Variants in DPF1 observed in about 807,000 individuals in gnomAD.
DPF1 encodes double PHD fingers 1.
Under a neutral mutation model 58.7 loss-of-function variants are expected in DPF1, and 14 were observed. The observed-to-expected ratio is 0.24, with a 90% CI of 0.16 to 0.37. DPF1 has a LOEUF of 0.37. Ranked by LOEUF, DPF1 falls within the 10% of genes least tolerant of loss-of-function variation. The pLI is 1.00. For missense variants in DPF1, 345 were observed against 529.9 expected, an observed-to-expected ratio of 0.65 and a Z score of 3.43; for synonymous variants, 216 against 216.0, an observed-to-expected ratio of 1.00 and a Z score of 0.00.
Position 38,222,600 on chromosome 19 carries a change from G to A in DPF1, c.138C>T (p.Gly46=), listed in dbSNP as rs1967580452. ...AGATGTAGCAGTTGTTCTGGGCCAC[G>A]CCGGTCTGCGAGTCGAGGAAGGGCA... ...LRLPFLDSQT[G]VAQNNCYIWM... Residue 46 remains glycine, a synonymous_variant, in exon 2 of 12, where the codon GGC becomes GGT. Transcript: ENST00000355526. The surrounding 1 kb of genome is among the most constrained non-coding windows in gnomAD (Gnocchi z 4.9). 3.1e-6 allele frequency: 5 copies of A among 1,612,038 alleles called. No homozygotes were observed. The highest frequency in any genetic ancestry group is 4.2e-6 in the Non-Finnish European group (5 of 1,179,240).
At position 38,213,646 on chromosome 19, in the gene DPF1, C is replaced by A; in HGVS notation, c.1009G>T (p.Asp337Tyr). 1 of 1,612,176 alleles carries A rather than the reference C, an allele frequency of 6.2e-7. No individual in the cohort carries two copies. The highest frequency in any genetic ancestry group is 8.5e-7 in the Non-Finnish European group (1 of 1,178,738). ...CGCGGGGGGCGGGCGGCACTCACGT[C>A]GTTCTCGGAGGTTCCGCACAGGCTG... is the stretch of plus-strand genomic sequence containing the variant. ...SCSLCGTSEN[D>Y]DQLLFCDDCD... The change falls in exon 10 of 12, where the codon GAC becomes TAC. Residue 337 changes from aspartate (D) to tyrosine (Y), a missense_variant and splice_region_variant. Asp to Tyr is a radical substitution (Grantham distance 160). Transcript: ENST00000355526.
At chr19:38,215,377 T>C (rs181029973) in intron 9 of DPF1, among the ~76,000 whole-genome samples, 10 of 151,986 alleles carry the variant, frequency 6.6e-5, no homozygotes, top group East Asian at 2.0e-4. Flanking sequence ...CCTGTAATCC[T>C]AGCTACTCGG....
rs775859741 is a variant in DPF1, at chr19:38,212,148, G to A, written c.1094-15C>T. Reference sequence around the variant, plus strand: ...GCTCCAGCTCCCTGCGGGGGCAGCCGAAGCTGAAGTCAGGCCCGGGTCCGG... The same window carrying A: ...GCTCCAGCTCCCTGCGGGGGCAGCCAAAGCTGAAGTCAGGCCCGGGTCCGG... On this transcript the variant is annotated splice_polypyrimidine_tract_variant and intron_variant, in intron 11 of 11. Transcript: ENST00000355526. The A allele has an allele frequency of 6.8e-6, 11 of 1,606,752 alleles. No individual in the cohort carries two copies. The South Asian group carries it at 8.9e-5, about 13-fold the overall frequency.
chr19:38,217,399 C>CCCGGG, intron 7 of DPF1, 61 bp downstream of exon 7: 9 of 1,233,462 alleles, frequency 7.3e-6, no homozygotes, highest in Non-Finnish European at 9.7e-6. Context: ...CCACCCCCAG[C>CCCGGG]TGGGCTCCTC....
At chr19:38,214,431 G>A (rs1568624272) in intron 9 of DPF1, among the ~76,000 whole-genome samples, 1 of 152,248 alleles carries the variant, frequency 6.6e-6, no homozygotes, top group East Asian at 1.9e-4. Flanking sequence ...GAGTTGCCAT[G>A]ACAACCATAT....
At chr19:38,224,582 G>C (rs1262481169), upstream of DPF1, among the ~76,000 whole-genome samples, 4 of 152,076 alleles carry the variant, frequency 2.6e-5, no homozygotes, top group African/African-American at 4.8e-5. This position sits in a 1 kb window ranked among gnomAD's most constrained non-coding sequence, Gnocchi z 4.5. Context: ...AATACTAAGA[G>C]ACGCAGAGAC....
intron 3 of DPF1, 75 bp from the exon 4 acceptor site, chr19:38,219,133 G>T: frequency 6.3e-7 from 1 of 1,577,732 alleles, no homozygotes; most frequent in South Asian, 1.1e-5. Context: ...CAGGTGGGGG[G>T]ACCATGCTCT....
chr19:38,215,415 C>T (rs1469820277), intron 9 of DPF1, among the ~76,000 whole-genome samples: 3 of 152,046 alleles, frequency 2.0e-5, no homozygotes, highest in African/African-American at 4.8e-5. Context: ...ATCACTTGAA[C>T]CCAGGAGGCG....
Position 38,224,186 on chromosome 19 carries a change from G to A in DPF1, c.-44C>T. 1.4e-6 allele frequency: 2 copies of A among 1,419,152 alleles called. No individual in the cohort carries two copies. Among genetic ancestry groups the A allele is most frequent in the Non-Finnish European group, 1.8e-6 (2 of 1,087,546 alleles). The allele number at this position is 1,419,152 out of a possible 1,614,324, so 87.9% of individuals were successfully genotyped here. On this transcript the variant is annotated 5_prime_UTR_variant, in exon 1 of 12. Transcript: ENST00000355526. This position sits in a 1 kb window ranked among gnomAD's most constrained non-coding sequence, Gnocchi z 4.5. ...CCCCCAGCAGGTCCCCGCCGGGTCG[G>A]TCCTCCCAGCGGTCGGGCGGGCGCT...
Position 38,229,605 on chromosome 19 carries a change from G to C in DPF1, c.-178C>G, listed in dbSNP as rs1363772026. 19 of 1,096,510 alleles carry C rather than the reference G, an allele frequency of 1.7e-5. No homozygotes were observed. The highest frequency in any genetic ancestry group is 2.0e-5 in the Non-Finnish European group (18 of 901,498). 67.9% of individuals were successfully genotyped at this position (1,096,510 alleles called of 1,614,324 possible). A position where few individuals can be genotyped will look rare whatever the true frequency, so the allele number is the denominator to read the frequency against. ...GCGGTGGCCATGGCCCGCTCGGCTG[G>C]GCCGCCTCCGGCCCGGGGCGCCGCT... On this transcript the variant is annotated 5_prime_UTR_variant, in exon 1 of 12. Transcript: ENST00000412732. The surrounding 1 kb of genome is among the most constrained non-coding windows in gnomAD (Gnocchi z 5.3).
rs756671477 is a variant in DPF1, at chr19:38,212,353, C to A, written c.1020G>T (p.Leu340=). The A allele has an allele frequency of 6.8e-7, 1 of 1,471,310 alleles. No individual in the cohort carries two copies. Among genetic ancestry groups the A allele is most frequent in the Non-Finnish European group, 9.0e-7 (1 of 1,112,688 alleles). The allele number at this position is 1,471,310 out of a possible 1,614,324, so 91.1% of individuals were successfully genotyped here. A position where few individuals can be genotyped will look rare whatever the true frequency, so the allele number is the denominator to read the frequency against. The change falls in exon 11 of 12, where the codon CTG becomes CTT. Residue 340 remains leucine, a synonymous_variant. Coordinates refer to ENST00000355526, the MANE Select transcript of DPF1 (RefSeq NM_001135155.3). ...LCGTSENDDQ[L]LFCDDCDRGY... ...CCCGATCGCAGTCATCACAAAACAG[C>A]AGCTGGTCCTGGGGGGTGAGACCCG...
chr19:38,229,513 T>A lies in DPF1; in HGVS notation c.-132+46A>T. Reference sequence around the variant, plus strand: ...CCAGGGCGGGCGGGGGAAGGGCTCCTGGTGGGGGGGTCTGGACAGGGGGCG... The same window carrying A: ...CCAGGGCGGGCGGGGGAAGGGCTCCAGGTGGGGGGGTCTGGACAGGGGGCG... On this transcript the variant is annotated intron_variant, in intron 1 of 11. Coordinates refer to the DPF1 transcript ENST00000412732. The surrounding 1 kb of genome is among the most constrained non-coding windows in gnomAD (Gnocchi z 5.3). The A allele has an allele frequency of 1.2e-6, 1 of 820,070 alleles. No individual in the cohort carries two copies. Among genetic ancestry groups the A allele is most frequent in the Non-Finnish European group, 1.4e-6 (1 of 691,710 alleles). 50.8% of individuals were successfully genotyped at this position (820,070 alleles called of 1,614,324 possible).
Position 38,224,148 on chromosome 19 carries a change from T to C in DPF1, c.-6A>G. On this transcript the variant is annotated 5_prime_UTR_variant, in exon 1 of 12. Coordinates refer to ENST00000355526, the MANE Select transcript of DPF1 (RefSeq NM_001135155.3). The surrounding 1 kb of genome is among the most constrained non-coding windows in gnomAD (Gnocchi z 4.5). ...CCAGGGATGACAGTGGCCATCTTGCTCCCCGGGTCCTGCCCCCAGCAGGTC... is the reference window on the plus strand; with the variant it reads ...CCAGGGATGACAGTGGCCATCTTGCCCCCCGGGTCCTGCCCCCAGCAGGTC... 1 of 1,473,952 alleles carries C rather than the reference T, an allele frequency of 6.8e-7. No individual in the cohort carries two copies. The highest frequency in any genetic ancestry group is 1.4e-5 in the South Asian group (1 of 69,198). The allele number at this position is 1,473,952 out of a possible 1,614,324, so 91.3% of individuals were successfully genotyped here. A position where few individuals can be genotyped will look rare whatever the true frequency, so the allele number is the denominator to read the frequency against.
rs1398129068 is a variant in DPF1 at position 38,212,140 on chromosome 19, G to A, written c.1094-7C>T. Reference sequence around the variant, plus strand: ...AGGTGACAGCTCCAGCTCCCTGCGGGGGCAGCCGAAGCTGAAGTCAGGCCC... The same window carrying A: ...AGGTGACAGCTCCAGCTCCCTGCGGAGGCAGCCGAAGCTGAAGTCAGGCCC... On this transcript the variant is annotated splice_region_variant and splice_polypyrimidine_tract_variant and intron_variant, in intron 11 of 11. Coordinates refer to ENST00000355526, the MANE Select transcript of DPF1 (RefSeq NM_001135155.3). 5.0e-6 allele frequency: 8 copies of A among 1,607,788 alleles called. No homozygotes were observed. Among genetic ancestry groups the A allele is most frequent in the South Asian group, 1.1e-5 (1 of 89,858 alleles).
upstream of DPF1, among the ~76,000 whole-genome samples, chr19:38,228,992 CG>C (rs1568326708): frequency 6.6e-6 from 1 of 151,854 alleles, no homozygotes; most frequent in East Asian, 2.0e-4. Flanking sequence ...ACGGCGGGTT[CG>C]GGGCTTCCAG....
chr19:38,224,156 T>C lies in DPF1; in HGVS notation c.-14A>G. ...GACAGTGGCCATCTTGCTCCCCGGG[T>C]CCTGCCCCCAGCAGGTCCCCGCCGG... On this transcript the variant is annotated 5_prime_UTR_variant, in exon 1 of 12. Coordinates refer to ENST00000355526, the MANE Select transcript of DPF1 (RefSeq NM_001135155.3). This position sits in a 1 kb window ranked among gnomAD's most constrained non-coding sequence, Gnocchi z 4.5. 1 of 1,459,244 alleles carries C rather than the reference T, an allele frequency of 6.9e-7. No homozygotes were observed. Among genetic ancestry groups the C allele is most frequent in the Non-Finnish European group, 9.0e-7 (1 of 1,110,564 alleles). The allele number at this position is 1,459,244 out of a possible 1,614,324, so 90.4% of individuals were successfully genotyped here.
At chr19:38,229,120 AAG>A (rs1252680001), upstream of DPF1, among the ~76,000 whole-genome samples, 8 of 151,850 alleles carry the variant, frequency 5.3e-5, no homozygotes, top group East Asian at 1.4e-3. This position sits in a 1 kb window ranked among gnomAD's most constrained non-coding sequence, Gnocchi z 5.3. Context: ...AAGAAGGGGA[AAG>A]AGAGAAAGGC....
In DPF1 at chr19:38,229,634, G is replaced by A; in HGVS notation, c.-207C>T. ...GCCTCCGGCCCGGGGCGCCGCTGCC[G>A]CCGCGCGCGGGCCCAGCCCGGCCTG... is the stretch of plus-strand genomic sequence containing the variant. On this transcript the variant is annotated 5_prime_UTR_variant, in exon 1 of 12. Transcript: ENST00000412732. This position sits in a 1 kb window ranked among gnomAD's most constrained non-coding sequence, Gnocchi z 5.3. 2.0e-6 allele frequency: 2 copies of A among 992,326 alleles called. No individual in the cohort carries two copies. Among genetic ancestry groups the A allele is most frequent in the Non-Finnish European group, 2.4e-6 (2 of 830,306 alleles). 61.5% of individuals were successfully genotyped at this position (992,326 alleles called of 1,614,324 possible).
chr19:38,213,830 A>G (rs1304761240), intron 9 of DPF1, 74 bp from the exon 10 acceptor site: 5 of 1,305,820 alleles, frequency 3.8e-6, no homozygotes, highest in Non-Finnish European at 5.4e-6. Flanking sequence ...CAGGGGAGCC[A>G]TAGCTCAGCC....
Sources: allele counts gnomAD v4.1 joint callset (sites outside exome capture counted in the v4.1 genomes callset), GRCh38; gene constraint gnomAD v4.1.1; non-coding constraint Gnocchi (gnomAD v3.1); transcripts MANE v1.5; gene names NCBI Gene and HGNC (gene_info 2026-07-23, HGNC 2026-07-21).